The following CA10 variants were observed in gnomAD, a reference collection of about 807,000 sequenced individuals.
The protein encoded by CA10 is carbonic anhydrase-related protein 10.
CA10 carries 14 observed loss-of-function variants against 44.2 expected under a neutral mutation model. The observed-to-expected ratio is 0.32, with a 90% CI of 0.21 to 0.50. The LOEUF (loss-of-function observed/expected upper bound fraction) is 0.50, where lower values mean the gene tolerates loss of function less well. CA10 is among the 20% of genes least tolerant of loss of function. The pLI, the probability that CA10 is intolerant of heterozygous loss-of-function variation, is 0.99. For synonymous variants in CA10, 159 were observed against 141.6 expected (o/e 1.12, Z -0.87); for missense variants, 350 against 409.7 (o/e 0.85, Z 1.26).
chr17:51,969,403 C>T (rs1331243340), intron 2 of CA10, among the ~76,000 whole-genome samples: 1 of 152,062 alleles, frequency 6.6e-6, no homozygotes, highest in Non-Finnish European at 1.5e-5. Context: ...TGTAATTTCA[C>T]TGTGCGTCTG....
chr17:51,671,606 G>A (rs953513978), intron 4 of CA10, among the ~76,000 whole-genome samples: 4 of 151,922 alleles, frequency 2.6e-5, no homozygotes, highest in South Asian at 2.1e-4. Flanking sequence ...TGATTTCACC[G>A]TGTTAGCCAG....
chr17:51,805,053 G>T (rs916366266), intron 3 of CA10, among the ~76,000 whole-genome samples: 1 of 152,146 alleles, frequency 6.6e-6, no homozygotes, highest in Non-Finnish European at 1.5e-5. Context: ...GCCTTGCAGG[G>T]TTATGTGACT....
rs182514137 is a variant in CA10, at chr17:51,731,136, T to C, written c.465+16497A>G. On this transcript the variant is annotated intron_variant, in intron 4 of 8. Coordinates refer to ENST00000451037, the MANE Select transcript of CA10 (RefSeq NM_020178.5). ...GCTTATGCCTGTAATCCCAGCACTT[T>C]GGGAGGCCAAGGTGGGTAGATCATG... Among the ~76,000 whole-genome samples, 8 of 152,260 alleles carry C rather than the reference T, an allele frequency of 5.3e-5. No individual in the cohort carries two copies. In the South Asian group the frequency reaches 8.3e-4, roughly 16 times the overall value.
intron 1 of CA10, among the ~76,000 whole-genome samples, chr17:52,132,759 A>G (rs1443655036): frequency 6.6e-6 from 1 of 152,148 alleles, no homozygotes; most frequent in Non-Finnish European, 1.5e-5. Context: ...AGGTCCTTGT[A>G]TAGGTTAACA....
intron 2 of CA10, among the ~76,000 whole-genome samples, chr17:51,951,771 C>T (rs775799931): frequency 1.3e-5 from 2 of 152,148 alleles, no homozygotes; most frequent in Non-Finnish European, 2.9e-5. Flanking sequence ...TGCTACCATA[C>T]TGAACAAAAT....
chr17:51,697,875 A>C (rs1288640252), intron 4 of CA10, among the ~76,000 whole-genome samples: 2 of 152,206 alleles, frequency 1.3e-5, no homozygotes, highest in East Asian at 3.9e-4. Flanking sequence ...AACTGTGAAT[A>C]ATTTTAATGC....
chr17:52,146,517 C>T (rs530031424), intron 1 of CA10, among the ~76,000 whole-genome samples: 10 of 151,932 alleles, frequency 6.6e-5, no homozygotes, highest in East Asian at 1.9e-4. Context: ...AGTGAAACCC[C>T]GCCTCTACTA....
At chr17:52,072,288 T>C in intron 2 of CA10, 31 bp downstream of exon 2, 2 of 1,425,686 alleles carry the variant, frequency 1.4e-6, no homozygotes, top group African/African-American at 1.4e-5. Flanking sequence ...TTGTTTTTAA[T>C]AAATAAATTA....
chr17:52,131,703 T>C (rs1346943490), intron 1 of CA10, among the ~76,000 whole-genome samples: 5 of 152,202 alleles, frequency 3.3e-5, no homozygotes, highest in Non-Finnish European at 1.5e-5. Context: ...TTTCATTCTT[T>C]TAACTTAAAT....
At chr17:51,934,082 C>T (rs1025800189) in intron 2 of CA10, among the ~76,000 whole-genome samples, 2 of 152,132 alleles carry the variant, frequency 1.3e-5, no homozygotes, top group African/African-American at 4.8e-5. Context: ...TGAGAAACCT[C>T]TCTCCTGCTC....
intron 2 of CA10, among the ~76,000 whole-genome samples, chr17:51,932,220 A>G (rs1982694274): frequency 6.6e-6 from 1 of 152,132 alleles, no homozygotes. Flanking sequence ...GCCATGGTAG[A>G]GGGGAGGCAG....
chr17:52,065,075 A>C (rs764383002), intron 2 of CA10, among the ~76,000 whole-genome samples: 1 of 152,104 alleles, frequency 6.6e-6, no homozygotes, highest in Non-Finnish European at 1.5e-5. Flanking sequence ...GTCACTTTGC[A>C]CTCTGGCCAC....
intron 4 of CA10, among the ~76,000 whole-genome samples, chr17:51,689,291 C>A (rs1268752376): frequency 6.6e-6 from 1 of 152,146 alleles, no homozygotes; most frequent in Non-Finnish European, 1.5e-5. Flanking sequence ...AATGAGAATC[C>A]TAAGGCTTAG....
chr17:51,677,120 C>A (rs2143374320), intron 4 of CA10, among the ~76,000 whole-genome samples: 1 of 152,270 alleles, frequency 6.6e-6, no homozygotes, highest in South Asian at 2.1e-4. Context: ...CTTGAGCCTG[C>A]AAAATGGGTT....
At chr17:52,077,973 G>T (rs2081480958) in intron 1 of CA10, among the ~76,000 whole-genome samples, 1 of 152,108 alleles carries the variant, frequency 6.6e-6, no homozygotes, top group African/African-American at 2.4e-5. Flanking sequence ...GTATGGGCCT[G>T]CCAACCAACT....
chr17:51,773,883 TG>T (rs1404685389), intron 3 of CA10, among the ~76,000 whole-genome samples: 3 of 152,232 alleles, frequency 2.0e-5, no homozygotes, highest in African/African-American at 7.2e-5. Context: ...GCTCGGTTGC[TG>T]GTAGACAGAC....
At chr17:52,020,287 C>A (rs1986096232) in intron 2 of CA10, among the ~76,000 whole-genome samples, 1 of 151,856 alleles carries the variant, frequency 6.6e-6, no homozygotes, top group Admixed American at 6.6e-5. Context: ...TCCAATGATA[C>A]CCTCTCCATA....
chr17:51,864,599 T>C (rs1979462619), intron 3 of CA10, among the ~76,000 whole-genome samples: 1 of 152,170 alleles, frequency 6.6e-6, no homozygotes, highest in South Asian at 2.1e-4. Context: ...TTTCACACCT[T>C]TTCAATGGGA....
chr17:52,152,465 C>T (rs1598242866), intron 1 of CA10, among the ~76,000 whole-genome samples: 1 of 151,950 alleles, frequency 6.6e-6, no homozygotes, highest in Non-Finnish European at 1.5e-5. Context: ...ATGATGAGGT[C>T]CCCTCTGTCT....
Sources: gnomAD v4.1 joint callset for allele counts (sites outside exome capture counted in the v4.1 genomes callset) on GRCh38, gnomAD v4.1.1 for gene constraint, MANE v1.5 for transcripts, NCBI Gene and HGNC (gene_info 2026-07-23, HGNC 2026-07-21) for gene names.